The following ARHGAP6 variants were observed in gnomAD, a reference collection of about 807,000 sequenced individuals.
ARHGAP6 encodes the protein Rho GTPase activating protein 6.
Under a neutral mutation model 55.7 loss-of-function variants are expected in ARHGAP6, and 16 were observed. The ratio of observed to expected loss-of-function variants is 0.29; its 90% CI spans 0.19 to 0.44. ARHGAP6 has a LOEUF of 0.44. Among genes scored for constraint, ARHGAP6 ranks in the 20% least tolerant of loss-of-function variants. The pLI is 1.00. For synonymous variants in ARHGAP6, 382 were observed against 360.9 expected, an observed-to-expected ratio of 1.06 and a Z score of -0.66; for missense variants, 698 against 808.9, an observed-to-expected ratio of 0.86 and a Z score of 1.66.
chrX:11,663,463 C>T (rs1026766502), intron 1 of ARHGAP6, among the ~76,000 whole-genome samples: 2 of 111,797 alleles, frequency 1.8e-5, no homozygotes, highest in Non-Finnish European at 3.8e-5. Flanking sequence ...ATTTTCAAAG[C>T]GCCCATCAGT....
chrX:11,488,822 C>G (rs1340139559), intron 1 of ARHGAP6, among the ~76,000 whole-genome samples: 1 of 111,679 alleles, frequency 9.0e-6, no homozygotes, highest in Non-Finnish European at 1.9e-5. Flanking sequence ...ACCATCCCCC[C>G]CACAACCCTG....
At chrX:11,253,895 C>T (rs1431381973) in intron 2 of ARHGAP6, among the ~76,000 whole-genome samples, 4 of 104,948 alleles carry the variant, frequency 3.8e-5, no homozygotes, top group Non-Finnish European at 3.9e-5. Flanking sequence ...CAGAGCGAGA[C>T]TCCATCTCAA....
chrX:11,388,074 T>C (rs1395199183), intron 1 of ARHGAP6, among the ~76,000 whole-genome samples: 1 of 112,084 alleles, frequency 8.9e-6, no homozygotes, highest in Non-Finnish European at 1.9e-5. Context: ...TACCCAGTAA[T>C]GCAATGGCTG....
chrX:11,363,330 C>T (rs1186482686), intron 1 of ARHGAP6, among the ~76,000 whole-genome samples: 1 of 112,134 alleles, frequency 8.9e-6, no homozygotes, highest in Non-Finnish European at 1.9e-5. Flanking sequence ...ACCTCTGTTC[C>T]ACCACACAAA....
intron 1 of ARHGAP6, among the ~76,000 whole-genome samples, chrX:11,413,467 T>C (rs12558280): frequency 0.086 from 9,590 of 112,016 alleles, 446 homozygotes; most frequent in African/African-American, 0.18. Context: ...GGCACAACAC[T>C]GGCTGCATTG....
intron 9 of ARHGAP6, among the ~76,000 whole-genome samples, chrX:11,160,389 G>T (rs1392500221): frequency 2.8e-5 from 3 of 108,138 alleles, no homozygotes; most frequent in African/African-American, 1.0e-4. Context: ...TCCGGGAGAC[G>T]GAGCTTGCAG....
chrX:11,211,224 T>G (rs2046790540), intron 2 of ARHGAP6, among the ~76,000 whole-genome samples: 2 of 103,032 alleles, frequency 1.9e-5, no homozygotes, highest in Non-Finnish European at 4.0e-5. Flanking sequence ...GAACTGCTGT[T>G]TTTTTTTTTT....
intron 1 of ARHGAP6, among the ~76,000 whole-genome samples, chrX:11,305,173 C>A (rs2048224780): frequency 9.0e-6 from 1 of 110,862 alleles, no homozygotes; most frequent in African/African-American, 3.3e-5. Context: ...TCTGGAGTCA[C>A]AACAGGGATC....
At chrX:11,581,030 CA>C (rs1463093706) in intron 1 of ARHGAP6, among the ~76,000 whole-genome samples, 1 of 112,197 alleles carries the variant, frequency 8.9e-6, no homozygotes, top group African/African-American at 3.2e-5. Flanking sequence ...TGTGCAAGGT[CA>C]AGTGTGAACA....
intron 1 of ARHGAP6, chrX:11,296,714 C>T (rs965149703): frequency 5.5e-6 from 6 of 1,094,543 alleles, no homozygotes; most frequent in Admixed American, 2.2e-5. Flanking sequence ...CTTCCTCTCT[C>T]TTCTCTTCCT....
chrX:11,645,724 T>C (rs2052519511), intron 1 of ARHGAP6, among the ~76,000 whole-genome samples: 1 of 110,321 alleles, frequency 9.1e-6, no homozygotes, highest in Non-Finnish European at 1.9e-5. Context: ...AAGAAGAAGC[T>C]TGGAATTAGG....
rs142766510 is a variant in ARHGAP6 at position 11,557,313 on chromosome X, A to C, written c.588+106928T>G. ...CAGCATGAATGCTAGATTACTCATG[A>C]TGAGAAAGATAGCAACCCCAATGCT... On this transcript the variant is annotated intron_variant, in intron 1 of 12. Coordinates refer to ENST00000337414, the MANE Select transcript of ARHGAP6 (RefSeq NM_013427.3). 1.2e-3 allele frequency among the ~76,000 whole-genome samples: 140 copies of C among 112,163 alleles called. 1 individual carries two copies. In the Middle Eastern group the frequency reaches 0.014, roughly 11 times the overall value.
intron 8 of ARHGAP6, among the ~76,000 whole-genome samples, chrX:11,171,245 A>C (rs751965021): frequency 9.0e-6 from 1 of 111,429 alleles, no homozygotes; most frequent in Non-Finnish European, 1.9e-5. Context: ...TAATTTCACC[A>C]CTGCCAAGAA....
intron 1 of ARHGAP6, among the ~76,000 whole-genome samples, chrX:11,559,336 C>A (rs1162414484): frequency 9.0e-6 from 1 of 111,135 alleles, no homozygotes; most frequent in Non-Finnish European, 1.9e-5. Flanking sequence ...TTCTGCCTGC[C>A]TGGAATGTGT....
intron 1 of ARHGAP6, among the ~76,000 whole-genome samples, chrX:11,514,860 A>T (rs765177179): frequency 9.1e-6 from 1 of 109,707 alleles, no homozygotes; most frequent in African/African-American, 3.3e-5. Context: ...ACACACACAC[A>T]CACACACACA....
At chrX:11,420,504 T>C (rs780763951) in intron 1 of ARHGAP6, among the ~76,000 whole-genome samples, 2 of 111,342 alleles carry the variant, frequency 1.8e-5, no homozygotes, top group African/African-American at 6.5e-5. Context: ...CTAATGGACA[T>C]GCAGTGACAT....
chrX:11,420,690 C>T (rs1210919848), intron 1 of ARHGAP6, among the ~76,000 whole-genome samples: 2 of 111,375 alleles, frequency 1.8e-5, no homozygotes, highest in African/African-American at 6.6e-5. Context: ...CAACTCTTCC[C>T]TTTTCCCCAG....
rs761876579 is a variant in ARHGAP6, at chrX:11,211,783, C to T, written c.749-14787G>A. ...GATCTCGAACTCCTGACCCGTGATC[C>T]ACCCACCTTGGCCTCCCAAAGTGCT... On this transcript the variant is annotated intron_variant, in intron 2 of 12. Transcript: ENST00000337414. 1.4e-3 allele frequency among the ~76,000 whole-genome samples: 159 copies of T among 111,734 alleles called. 1 individual carries two copies. Among genetic ancestry groups the T allele is most frequent in the Non-Finnish European group, 2.4e-3 (126 of 53,134 alleles).
At chrX:11,203,409 C>A (rs2046660484) in intron 2 of ARHGAP6, among the ~76,000 whole-genome samples, 1 of 111,706 alleles carries the variant, frequency 9.0e-6, no homozygotes, top group Non-Finnish European at 1.9e-5. Flanking sequence ...GGAACTCTTA[C>A]TGTGATTCAG....
Sources: gnomAD v4.1 joint callset for allele counts (sites outside exome capture counted in the v4.1 genomes callset) on GRCh38, gnomAD v4.1.1 for gene constraint, MANE v1.5 for transcripts, NCBI Gene and HGNC (gene_info 2026-07-23, HGNC 2026-07-21) for gene names.